UTY: variants seen among roughly 807,000 people sequenced by gnomAD.
The protein encoded by UTY is histone demethylase UTY.
UTY carries 12 observed loss-of-function variants against 32.5 expected under a neutral mutation model. The ratio of observed to expected loss-of-function variants is 0.37; its 90% CI spans 0.24 to 0.60. The LOEUF is 0.60. UTY is among the 20% of genes least tolerant of loss of function. The probability of loss-of-function intolerance (pLI) is 0.69; values close to 1 mark genes in which losing one functional copy is unlikely to be tolerated. For missense variants in UTY, 303 were observed against 299.2 expected (o/e 1.01, Z -0.09); for synonymous variants, 131 against 103.4 (o/e 1.27, Z -1.62).
At chrY:13,470,985 C>T in intron 2 of UTY, among the ~76,000 whole-genome samples, 2 of 32,841 alleles carry the variant, frequency 6.1e-5, no homozygotes, top group African/African-American at 2.4e-4. Context: ...GGAGTGGTTA[C>T]GGGTTCCGAT....
intron 27 of UTY, among the ~76,000 whole-genome samples, chrY:13,276,570 G>A (rs2056699234): frequency 3.1e-5 from 1 of 32,376 alleles, no homozygotes; most frequent in South Asian, 7.0e-4. Context: ...TTAGCTGGGC[G>A]TGGTTGCAGC....
At chrY:13,395,538 C>T in intron 7 of UTY, among the ~76,000 whole-genome samples, 1 of 32,115 alleles carries the variant, frequency 3.1e-5, no homozygotes, top group East Asian at 8.0e-4. Flanking sequence ...ACTTGGGAGG[C>T]TAAAATAGGA....
intron 27 of UTY, among the ~76,000 whole-genome samples, chrY:13,268,629 C>T: frequency 1.2e-4 from 4 of 33,509 alleles, no homozygotes; most frequent in Non-Finnish European, 2.9e-4. Context: ...GAATTTTCAG[C>T]CTTTTTGGGC....
At chrY:13,271,672 T>C (rs2056308383) in intron 27 of UTY, among the ~76,000 whole-genome samples, 1 of 33,649 alleles carries the variant, frequency 3.0e-5, no homozygotes, top group Non-Finnish European at 7.4e-5. Flanking sequence ...GAATAACAAC[T>C]ACATCCACCT....
At chrY:13,366,154 G>A in intron 10 of UTY, 113 bp downstream of exon 10, 2 of 252,879 alleles carry the variant, frequency 7.9e-6, no homozygotes, top group South Asian at 5.1e-5. Flanking sequence ...GAGCCACCCC[G>A]CCCAGCCGGG....
chrY:13,300,528 T>C, intron 25 of UTY, among the ~76,000 whole-genome samples: 2 of 33,254 alleles, frequency 6.0e-5, no homozygotes, highest in African/African-American at 1.2e-4. Flanking sequence ...GACGTTGCAG[T>C]GAGCTGAGAT....
intron 6 of UTY, among the ~76,000 whole-genome samples, chrY:13,399,323 A>G (rs2068662023): frequency 3.0e-5 from 1 of 33,898 alleles, no homozygotes. Context: ...GTCCATTTAT[A>G]TAAGATATGC....
chrY:13,344,290 T>C, intron 17 of UTY, among the ~76,000 whole-genome samples: 3 of 34,063 alleles, frequency 8.8e-5, no homozygotes, highest in Non-Finnish European at 1.5e-4. Flanking sequence ...GGAACACATA[T>C]GGGAAAAACC....
intron 21 of UTY, among the ~76,000 whole-genome samples, chrY:13,317,072 C>T: frequency 3.0e-5 from 1 of 33,149 alleles, no homozygotes; most frequent in South Asian, 6.9e-4. Context: ...GGCACAGTCT[C>T]GGCTCACTGC....
intron 28 of UTY, among the ~76,000 whole-genome samples, chrY:13,242,616 A>C: frequency 3.0e-5 from 1 of 33,823 alleles, no homozygotes; most frequent in African/African-American, 1.2e-4. Flanking sequence ...TAGATAAAAC[A>C]ATCCTAAAAT....
intron 3 of UTY, among the ~76,000 whole-genome samples, chrY:13,469,264 T>C: frequency 3.5e-5 from 1 of 28,562 alleles, no homozygotes; most frequent in Admixed American, 3.2e-4. Context: ...TAGGCTGGAA[T>C]GCAGTGGCGC....
At chrY:13,322,702 A>C (rs2059911189) in intron 21 of UTY, among the ~76,000 whole-genome samples, 1 of 32,855 alleles carries the variant, frequency 3.0e-5, no homozygotes, top group Non-Finnish European at 7.5e-5. Context: ...AAATTCAAAA[A>C]CTCTTATTTC....
At chrY:13,289,477 T>C (rs760489646) in intron 27 of UTY, among the ~76,000 whole-genome samples, 5 of 34,003 alleles carry the variant, frequency 1.5e-4, no homozygotes, top group African/African-American at 5.7e-4. Flanking sequence ...CTCCCTGCCT[T>C]GTTCTGTTTC....
intron 8 of UTY, among the ~76,000 whole-genome samples, chrY:13,392,348 G>C: frequency 3.0e-5 from 1 of 33,461 alleles, no homozygotes. Flanking sequence ...TTTATGCCTA[G>C]TGTTCCACTA....
intron 27 of UTY, among the ~76,000 whole-genome samples, chrY:13,273,161 T>C: frequency 5.9e-5 from 2 of 33,917 alleles, no homozygotes; most frequent in Admixed American, 2.7e-4. Context: ...TTTGGATGGA[T>C]TTCCAAGTGG....
chrY:13,257,075 G>A, intron 28 of UTY, among the ~76,000 whole-genome samples: 1 of 34,001 alleles, frequency 2.9e-5, no homozygotes, highest in Non-Finnish European at 7.3e-5. Context: ...TTTTACAGGA[G>A]GAGTTAATCC....
At chrY:13,397,247 G>A (rs2068343511) in intron 6 of UTY, among the ~76,000 whole-genome samples, 3 of 33,465 alleles carry the variant, frequency 9.0e-5, no homozygotes, top group Admixed American at 5.5e-4. Context: ...TCAGATATTT[G>A]AGTCTTCCAG....
intron 21 of UTY, among the ~76,000 whole-genome samples, chrY:13,312,452 C>T (rs2059239960): frequency 3.8e-5 from 1 of 25,991 alleles, no homozygotes; most frequent in South Asian, 8.8e-4. Context: ...AAAAAACATA[C>T]AAGTGGCAGC....
chrY:13,251,370 T>C, intron 28 of UTY, among the ~76,000 whole-genome samples, 183 bp from the exon 29 acceptor site: 1 of 33,602 alleles, frequency 3.0e-5, no homozygotes, highest in African/African-American at 1.2e-4. Flanking sequence ...TTTTGTTTTG[T>C]AGCACACCCA....
Sources: allele counts gnomAD v4.1 joint callset (sites outside exome capture counted in the v4.1 genomes callset), GRCh38; gene constraint gnomAD v4.1.1; transcripts MANE v1.5; gene names NCBI Gene and HGNC (gene_info 2026-07-23, HGNC 2026-07-21).